The following ITGB1 variants were observed in gnomAD, a reference collection of about 807,000 sequenced individuals.
ITGB1 encodes the protein integrin beta-1.
A neutral mutation model predicts 86.5 loss-of-function variants in ITGB1; 24 were observed. The ratio of observed to expected loss-of-function variants is 0.28; its 90% CI spans 0.20 to 0.39. The LOEUF is 0.39. Ranked by LOEUF, ITGB1 falls within the 10% of genes least tolerant of loss-of-function variation. The probability of loss-of-function intolerance (pLI) is 1.00; values close to 1 mark genes in which losing one functional copy is unlikely to be tolerated. For missense variants in ITGB1, 556 were observed against 946.9 expected (o/e 0.59, Z 5.42); for synonymous variants, 323 against 316.8 (o/e 1.02, Z -0.21).
intron 1 of ITGB1, among the ~76,000 whole-genome samples, chr10:32,938,713 C>A (rs930019093): frequency 6.6e-6 from 1 of 152,246 alleles, no homozygotes; most frequent in Non-Finnish European, 1.5e-5. Context: ...GATCCTGCGA[C>A]TGGCGACTGG....
intron 1 of ITGB1, chr10:32,944,432 G>A (rs1372126475): frequency 6.2e-6 from 2 of 322,910 alleles, no homozygotes; most frequent in Non-Finnish European, 1.2e-5. Flanking sequence ...GATCATGGGG[G>A]CCCTGGGCTA....
At chr10:32,917,358 A>G (rs1348561331) in intron 11 of ITGB1, among the ~76,000 whole-genome samples, 2 of 152,224 alleles carry the variant, frequency 1.3e-5, no homozygotes, top group Non-Finnish European at 2.9e-5. Context: ...TAATTAAACT[A>G]AAGAGCTTCT....
chr10:32,939,846 A>T (rs979856206), intron 1 of ITGB1, among the ~76,000 whole-genome samples: 1 of 152,180 alleles, frequency 6.6e-6, no homozygotes, highest in Non-Finnish European at 1.5e-5. Flanking sequence ...TACTGTGGAC[A>T]CAAATACACA....
chr10:32,905,314 T>C (rs893344901), intron 15 of ITGB1, among the ~76,000 whole-genome samples: 1 of 152,230 alleles, frequency 6.6e-6, no homozygotes, highest in Non-Finnish European at 1.5e-5. Context: ...CTATTAAACA[T>C]TCCTGTACTG....
At chr10:32,945,425 C>T (rs1195943634) in intron 1 of ITGB1, among the ~76,000 whole-genome samples, 9 of 151,802 alleles carry the variant, frequency 5.9e-5, no homozygotes, top group African/African-American at 1.9e-4. Context: ...GGTGAAACCC[C>T]GTCTCTACTA....
At chr10:32,933,681 T>C (rs983494661) in intron 2 of ITGB1, 1 of 152,186 alleles carries the variant, frequency 6.6e-6, no homozygotes, top group African/African-American at 2.4e-5. Flanking sequence ...TCCAGTCTTT[T>C]TCCTATGCAG....
rs563097589 is a variant in ITGB1, at chr10:32,903,306, C to T, written c.2332-1671G>A. Among the ~76,000 whole-genome samples the T allele has an allele frequency of 3.4e-3, 484 of 140,310 alleles. 4 individuals are homozygous for T. The highest frequency in any genetic ancestry group is 0.012 in the African/African-American group (458 of 37,654). 92.0% of individuals were successfully genotyped at this position (140,310 alleles called of 152,430 possible). On this transcript the variant is annotated intron_variant, in intron 15 of 15. Transcript: ENST00000302278. The stretch of plus-strand genomic sequence containing the variant: ...AGCGGAGATTGTAGTGAGCTGAGAT[C>T]GCACCACTGCACTCCAGACTGGGCG...
intron 1 of ITGB1, among the ~76,000 whole-genome samples, chr10:32,940,558 C>T (rs1001334183): frequency 9.9e-5 from 15 of 152,158 alleles, no homozygotes; most frequent in Non-Finnish European, 1.6e-4. Context: ...TTTTTCAGCT[C>T]CGTTATAATC....
At chr10:32,956,521 A>T (rs1041407470) in intron 1 of ITGB1, among the ~76,000 whole-genome samples, 1 of 152,158 alleles carries the variant, frequency 6.6e-6, no homozygotes, top group African/African-American at 2.4e-5. Flanking sequence ...CAGCCTGGGC[A>T]GCATAGTGAA....
chr10:32,943,360 A>T (rs2095023506), intron 1 of ITGB1, among the ~76,000 whole-genome samples: 1 of 150,152 alleles, frequency 6.7e-6, no homozygotes, highest in Non-Finnish European at 1.5e-5. Flanking sequence ...TGAAAGCATG[A>T]TTTTTTTTTA....
At chr10:32,924,580 A>G (rs2094959182) in intron 6 of ITGB1, among the ~76,000 whole-genome samples, 1 of 152,190 alleles carries the variant, frequency 6.6e-6, no homozygotes, top group Admixed American at 6.5e-5. Flanking sequence ...CAACACAGAA[A>G]AACAGCCACA....
chr10:32,927,198 G>A, intron 5 of ITGB1, among the ~76,000 whole-genome samples: 1 of 152,170 alleles, frequency 6.6e-6, no homozygotes, highest in East Asian at 1.9e-4. Context: ...TTAAGCAAGT[G>A]CTATTTTTAA....
chr10:32,937,373 T>G (rs1039041923), intron 1 of ITGB1, among the ~76,000 whole-genome samples: 10 of 151,806 alleles, frequency 6.6e-5, no homozygotes, highest in African/African-American at 2.4e-4. Flanking sequence ...CTGGACAACA[T>G]AGTGAAACCC....
chr10:32,901,706 T>A lies in ITGB1; in HGVS notation c.2332-71A>T, dbSNP rs980148629. On this transcript the variant is annotated intron_variant, in intron 15 of 15. Coordinates refer to ENST00000302278, the MANE Select transcript of ITGB1 (RefSeq NM_002211.4). ...AATTATGTAGAATAATTTTTATAAA[T>A]CAAGACTAAAAGTTGCAATCATCTT... The A allele has an allele frequency of 1.9e-5, 19 of 1,024,130 alleles. No individual in the cohort carries two copies. In the African/African-American group the frequency reaches 2.8e-4, roughly 15 times the overall value. The allele number at this position is 1,024,130 out of a possible 1,614,324, so 63.4% of individuals were successfully genotyped here.
intron 15 of ITGB1, among the ~76,000 whole-genome samples, chr10:32,903,377 GA>G (rs1027137802): frequency 7.6e-6 from 1 of 130,990 alleles, no homozygotes; most frequent in South Asian, 2.4e-4. Flanking sequence ...AAAAAAAGAG[GA>G]AAAAAAAGAA....
At chr10:32,908,261 T>C in intron 15 of ITGB1, 107 bp downstream of exon 15, 1 of 1,093,374 alleles carries the variant, frequency 9.1e-7, no homozygotes, top group Non-Finnish European at 1.4e-6. Context: ...GGGAATAAAA[T>C]ACTTAGAAAG....
intron 1 of ITGB1, among the ~76,000 whole-genome samples, chr10:32,954,678 G>C (rs2095048931): frequency 6.6e-6 from 1 of 152,090 alleles, no homozygotes; most frequent in South Asian, 2.1e-4. Flanking sequence ...AGGAACCTGT[G>C]CTTTGAAATT....
chr10:32,918,803 AAC>A lies in ITGB1; in HGVS notation c.1469+1080_1469+1081del, dbSNP rs549963745. 1.4e-3 allele frequency among the ~76,000 whole-genome samples: 219 copies of A among 152,316 alleles called. 1 individual carries two copies. Among genetic ancestry groups the A allele is most frequent in the African/African-American group, 5.0e-3 (208 of 41,568 alleles). On this transcript the variant is annotated intron_variant, in intron 11 of 15. Coordinates refer to ENST00000302278, the MANE Select transcript of ITGB1 (RefSeq NM_002211.4). ...TCTGTTAACCTAAAAAAATACAATA[AAC>A]ACATGCAAAAAAGTGTATGGAAGTT...
Position 32,912,060 on chromosome 10 carries a change from T to G in ITGB1, c.1534A>C (p.Met512Leu), listed in dbSNP as rs55976044. 1 of 1,614,132 alleles carries G rather than the reference T, an allele frequency of 6.2e-7. No homozygotes were observed. The highest frequency in any genetic ancestry group is 8.5e-7 in the Non-Finnish European group (1 of 1,180,048). The change falls in exon 12 of 16, where the codon ATG (methionine) becomes CTG (leucine). Residue 512 changes from methionine (M) to leucine (L), a missense_variant. Met to Leu is a conservative substitution (Grantham distance 15). Around this residue, in one of 4 missense-constraint regions of ITGB1, gnomAD observed 330 missense variants for 531.5 expected, o/e 0.62. Coordinates refer to ENST00000302278, the MANE Select transcript of ITGB1 (RefSeq NM_002211.4). ...TTTTCTTTCCTGCAGTAAGCATCCA[T>G]GTCTTCACTGTTAACTTCATCTGTG... ...CSTDEVNSED[M>L]DAYCRKENSS...
Sources: gnomAD v4.1 joint callset for allele counts (sites outside exome capture counted in the v4.1 genomes callset) on GRCh38, gnomAD v4.1.1 for gene constraint, gnomAD v4.1.1 regional missense constraint, MANE v1.5 for transcripts, NCBI Gene and HGNC (gene_info 2026-07-23, HGNC 2026-07-21) for gene names.